Variants in VWF observed in about 807,000 individuals in gnomAD.
VWF encodes Factor VIII related antigen.
In VWF, 176 loss-of-function variants were observed where a neutral mutation model predicts 308.6. That is an observed-to-expected ratio of 0.57 (90% CI 0.50 to 0.65). VWF has a LOEUF of 0.65. Ranked by LOEUF, VWF falls within the 30% of genes least tolerant of loss-of-function variation. The pLI is 0.00. For missense variants in VWF, 3,146 were observed against 3,648.2 expected (o/e 0.86, Z 3.55); for synonymous variants, 1,385 against 1,443.4 (o/e 0.96, Z 0.92).
chr12:6,090,118 T>C (rs555784625), intron 6 of VWF, among the ~76,000 whole-genome samples: 1 of 152,056 alleles, frequency 6.6e-6, no homozygotes, highest in East Asian at 1.9e-4. Flanking sequence ...CCACCACACC[T>C]GGCTAATTTT....
chr12:5,950,662 T>TA (rs11390977), intron 50 of VWF, among the ~76,000 whole-genome samples: 25,777 of 145,914 alleles, frequency 0.18, 2,360 homozygotes, highest in Middle Eastern at 0.23. Context: ...GAGGATGAAT[T>TA]AAAAAAAAAA....
chr12:6,058,003 C>T lies in VWF; in HGVS notation c.1575G>A (p.Gly525=), dbSNP rs749268075. ...CGTCGCCCTGGTTGCCATTGTAATT[C>T]CCACACAGGCCGCAGGTCTTCCCGG... is the stretch of plus-strand genomic sequence containing the variant. ...VYAGKTCGLC[G]NYNGNQGDDF... is the part of the protein sequence containing the mutation. Residue 525 remains glycine (G), a synonymous_variant, in exon 14 of 52, where the codon GGG becomes GGA. Transcript: ENST00000261405. This position sits in a 1 kb window ranked among gnomAD's most constrained non-coding sequence, Gnocchi z 4.9. The T allele has an allele frequency of 1.9e-6, 3 of 1,613,366 alleles. No individual in the cohort carries two copies. Among genetic ancestry groups the T allele is most frequent in the South Asian group, 2.2e-5 (2 of 91,086 alleles).
chr12:6,063,893 CT>C lies in VWF; in HGVS notation c.1432+352del, dbSNP rs147571152. 0.012 allele frequency among the ~76,000 whole-genome samples: 1,870 copies of C among 152,304 alleles called. 23 individuals carry two copies. Among genetic ancestry groups the C allele is most frequent in the African/African-American group, 0.033 (1,359 of 41,542 alleles). On this transcript the variant is annotated intron_variant, in intron 12 of 51. Coordinates refer to ENST00000261405, the MANE Select transcript of VWF (RefSeq NM_000552.5). The surrounding 1 kb of genome is among the most constrained non-coding windows in gnomAD (Gnocchi z 4.9). ...GATCTCTCAGCATCAGCCTCTGCCC[CT>C]GTCCCACCCCAGAGCAAACCAGAAC...
intron 3 of VWF, among the ~76,000 whole-genome samples, chr12:6,117,287 C>T (rs943583931): frequency 2.6e-5 from 4 of 152,188 alleles, no homozygotes; most frequent in Non-Finnish European, 5.9e-5. Context: ...CCTTCCATGG[C>T]CCTTCAAATT....
Position 6,016,550 on chromosome 12 carries a change from G to A in VWF, c.5277C>T (p.Asp1759=), listed in dbSNP as rs41276736. 0.012 allele frequency: 18,834 copies of A among 1,614,152 alleles called. 136 individuals carry two copies. Among genetic ancestry groups the A allele is most frequent in the Non-Finnish European group, 0.015 (17,389 of 1,180,036 alleles). Residue 1759 remains aspartate, a synonymous_variant, in exon 30 of 52, where the codon GAC becomes GAT. Coordinates refer to ENST00000261405, the MANE Select transcript of VWF (RefSeq NM_000552.5). The part of the protein sequence containing the change: ...PEKAHLLSLV[D]VMQREGGPSQ... ...TGGGGCCTCCCTCCCGCTGCATGAC[G>A]TCCACAAGGCTCAGCAAATGGGCTT...
intron 34 of VWF, among the ~76,000 whole-genome samples, chr12:6,006,141 T>C (rs1230044725): frequency 6.6e-6 from 1 of 151,960 alleles, no homozygotes; most frequent in East Asian, 1.9e-4. Context: ...AAGAGTAGAG[T>C]TTTCGTGAGC....
rs1370693392 is a variant in VWF, at chr12:6,110,525, G to A, written c.381C>T (p.Tyr127=). ...AGCCATAGGCCTCACCGGACAGCTTGTAGTACCCAGCCTCAGTTTCTAGAT... is the reference window on the plus strand; with the variant it reads ...AGCCATAGGCCTCACCGGACAGCTTATAGTACCCAGCCTCAGTTTCTAGAT... ...GLYLETEAGY[Y]KLSGEAYGFV... The change falls in exon 5 of 52, where the codon TAC becomes TAT. Residue 127 remains tyrosine (Y), a synonymous_variant. Coordinates refer to ENST00000261405, the MANE Select transcript of VWF (RefSeq NM_000552.5). 6.2e-7 allele frequency: 1 copy of A among 1,614,092 alleles called. No homozygotes were observed. Among genetic ancestry groups the A allele is most frequent in the Non-Finnish European group, 8.5e-7 (1 of 1,180,056 alleles).
rs377122589 is a variant in VWF at position 6,079,365 on chromosome 12, T to G, written c.658-3814A>C. Among the ~76,000 whole-genome samples the G allele has an allele frequency of 5.6e-4, 85 of 152,138 alleles. 1 individual carries two copies. In the East Asian group the frequency reaches 9.3e-3, roughly 17 times the overall value. The stretch of plus-strand genomic sequence containing the variant: ...CTCACACCTGTAATCCCAGCACTTT[T>G]GGAGGCCAAGGCGGGCGGATCAAGA... On this transcript the variant is annotated intron_variant, in intron 6 of 51. Transcript: ENST00000261405.
intron 24 of VWF, among the ~76,000 whole-genome samples, chr12:6,025,224 C>T: frequency 6.6e-6 from 1 of 152,110 alleles, no homozygotes; most frequent in Non-Finnish European, 1.5e-5. Context: ...TTGGTCTGGA[C>T]AAATGCAGCA....
Position 5,985,136 on chromosome 12 carries a change from G to C in VWF, c.6902-17C>G. The C allele has an allele frequency of 6.2e-7, 1 of 1,613,744 alleles. No homozygotes were observed. The highest frequency in any genetic ancestry group is 8.5e-7 in the Non-Finnish European group (1 of 1,179,608). Reference sequence around the variant, plus strand: ...ACGTGGGAGCTAGAGGAGAGGAACGGCCACAAAAGTCAGAGAAATTAGTGG... The same window carrying C: ...ACGTGGGAGCTAGAGGAGAGGAACGCCCACAAAAGTCAGAGAAATTAGTGG... On this transcript the variant is annotated splice_polypyrimidine_tract_variant and intron_variant, in intron 39 of 51. Transcript: ENST00000261405.
At chr12:6,119,083 C>T (rs546340043) in intron 3 of VWF, among the ~76,000 whole-genome samples, 8 of 152,362 alleles carry the variant, frequency 5.3e-5, no homozygotes, top group Admixed American at 1.3e-4. Flanking sequence ...AACCAGTTTC[C>T]TCTCACCACT....
intron 34 of VWF, among the ~76,000 whole-genome samples, chr12:5,998,971 C>CCCA (rs1943843033): frequency 6.6e-6 from 1 of 152,174 alleles, no homozygotes; most frequent in African/African-American, 2.4e-5. Flanking sequence ...TCGTGATCTG[C>CCCA]CTTGACCTCC....
chr12:6,081,971 G>A (rs1381727963), intron 6 of VWF, among the ~76,000 whole-genome samples: 2 of 151,288 alleles, frequency 1.3e-5, no homozygotes, highest in Middle Eastern at 3.4e-3. Context: ...TAAAAATATG[G>A]TGTTTTTTTT....
At chr12:5,962,874 C>T (rs118146082) in intron 47 of VWF, among the ~76,000 whole-genome samples, 1,720 of 152,176 alleles carry the variant, frequency 0.011, 31 homozygotes, top group Admixed American at 0.04. Context: ...ACAAAGGCAC[C>T]GACATAATTT....
At chr12:6,003,563 T>G (rs1943895137) in intron 34 of VWF, among the ~76,000 whole-genome samples, 1 of 151,244 alleles carries the variant, frequency 6.6e-6, no homozygotes, top group African/African-American at 2.4e-5. Flanking sequence ...GGATGAACCT[T>G]GAAGACATTA....
chr12:6,088,355 T>TGTAGTCCCAGCTACTC (rs1172984231), intron 6 of VWF, among the ~76,000 whole-genome samples: 1 of 151,848 alleles, frequency 6.6e-6, no homozygotes, highest in Non-Finnish European at 1.5e-5. Flanking sequence ...GACAGGCGCA[T>TGTAGTCCCAGCTACTC]GTAGTCCCAG....
intron 6 of VWF, among the ~76,000 whole-genome samples, chr12:6,091,110 T>C (rs1945029907): frequency 1.3e-5 from 2 of 152,130 alleles, no homozygotes; most frequent in South Asian, 4.1e-4. Flanking sequence ...AATGTACTTG[T>C]TTATAAGGTG....
chr12:6,100,059 A>G (rs953316916), intron 5 of VWF, among the ~76,000 whole-genome samples: 16 of 152,060 alleles, frequency 1.1e-4, no homozygotes, highest in African/African-American at 3.9e-4. Flanking sequence ...AAAAACAAAC[A>G]ACCCCGTCAA....
chr12:6,110,810 G>C, intron 4 of VWF, 56 bp downstream of exon 4: 1 of 1,556,364 alleles, frequency 6.4e-7, no homozygotes, highest in South Asian at 1.1e-5. Context: ...TAAAAATGAG[G>C]GGGTTGTGTC....
Sources: gnomAD v4.1 joint callset for allele counts (sites outside exome capture counted in the v4.1 genomes callset) on GRCh38, gnomAD v4.1.1 for gene constraint, Gnocchi (gnomAD v3.1) non-coding constraint, MANE v1.5 for transcripts, NCBI Gene and HGNC (gene_info 2026-07-23, HGNC 2026-07-21) for gene names.